CNTN1: variants seen among roughly 807,000 people sequenced by gnomAD.
CNTN1 encodes the protein contactin 1.
In CNTN1, 38 loss-of-function variants were observed where a neutral mutation model predicts 126.4. The observed-to-expected ratio is 0.30, with a 90% confidence interval of 0.23 to 0.39. The LOEUF is 0.39. CNTN1 is among the 10% of genes least tolerant of loss of function. CNTN1 has a pLI of 1.00. For synonymous variants in CNTN1, 413 were observed against 422.6 expected (o/e 0.98, Z 0.28); for missense variants, 1,009 against 1,248.4 (o/e 0.81, Z 2.89).
chr12:40,766,066 T>C lies in CNTN1; in HGVS notation c.-77+73474T>C, dbSNP rs117265255. Among the ~76,000 whole-genome samples the C allele has an allele frequency of 8.7e-4, 133 of 152,028 alleles. 2 individuals are homozygous for C. The East Asian group carries it at 0.025, about 28-fold the overall frequency. ...TTTTCTTGGCAAACATTAGAGGAAA[T>C]TGCATTCCAGGCTGGGCACGGTGGC... On this transcript the variant is annotated intron_variant, in intron 1 of 23. Transcript: ENST00000551295.
At chr12:41,032,410 G>C (rs374906328) in intron 23 of CNTN1, among the ~76,000 whole-genome samples, 112 of 151,682 alleles carry the variant, frequency 7.4e-4, no homozygotes, top group African/African-American at 2.5e-3. Flanking sequence ...AAAGAAAGAT[G>C]GCTCACAGGT....
intron 1 of CNTN1, among the ~76,000 whole-genome samples, chr12:40,880,389 G>A (rs193283095): frequency 5.3e-5 from 8 of 152,018 alleles, no homozygotes; most frequent in Admixed American, 6.6e-5. Context: ...ATGTAAATAC[G>A]TTTGCTGAGT....
At chr12:40,807,112 C>T (rs1940889915) in intron 1 of CNTN1, among the ~76,000 whole-genome samples, 1 of 151,538 alleles carries the variant, frequency 6.6e-6, no homozygotes, top group Non-Finnish European at 1.5e-5. Context: ...TGGAGAGGAC[C>T]CTAAAGGATG....
intron 1 of CNTN1, among the ~76,000 whole-genome samples, chr12:40,743,416 C>T (rs972097141): frequency 1.3e-5 from 2 of 152,014 alleles, no homozygotes; most frequent in African/African-American, 4.8e-5. Flanking sequence ...GTTAAGGTTG[C>T]CAGCTCTGCC....
At chr12:40,947,277 G>A (rs1308387692) in intron 14 of CNTN1, among the ~76,000 whole-genome samples, 1 of 151,920 alleles carries the variant, frequency 6.6e-6, no homozygotes, top group Non-Finnish European at 1.5e-5. Context: ...CTCATGCATG[G>A]GGGATGTTAA....
intron 17 of CNTN1, among the ~76,000 whole-genome samples, chr12:41,004,832 G>GT (rs1254412985): frequency 9.2e-5 from 14 of 152,184 alleles, no homozygotes; most frequent in Admixed American, 9.2e-4. Flanking sequence ...GTCATTGCAT[G>GT]TGAGATGGAT....
At chr12:41,008,814 C>G (rs577686937) in intron 17 of CNTN1, among the ~76,000 whole-genome samples, 59 of 152,242 alleles carry the variant, frequency 3.9e-4, no homozygotes, top group African/African-American at 1.3e-3. Flanking sequence ...ATACAAGATC[C>G]CTTCTTATAT....
At chr12:40,726,581 T>C (rs1306157180) in intron 1 of CNTN1, among the ~76,000 whole-genome samples, 1 of 152,170 alleles carries the variant, frequency 6.6e-6, no homozygotes, top group African/African-American at 2.4e-5. Context: ...CATGATCCGA[T>C]TACCTCCACC....
chr12:40,906,641 T>A (rs1209549616), intron 1 of CNTN1, among the ~76,000 whole-genome samples: 1 of 151,840 alleles, frequency 6.6e-6, no homozygotes, highest in Non-Finnish European at 1.5e-5. Context: ...CTACAACATG[T>A]GTTTTCCTTT....
rs575598962 is a variant in CNTN1, at chr12:40,876,767, C to T, written c.-76-31590C>T. ...TCTGCAACCAGAAATTTCTCTGCTT[C>T]CTTGAGACAGAAACATAATTGTGTA... On this transcript the variant is annotated intron_variant, in intron 1 of 23. Transcript: ENST00000551295. Among the ~76,000 whole-genome samples, 3 of 152,174 alleles carry T rather than the reference C, an allele frequency of 2.0e-5. No individual in the cohort carries two copies. In the South Asian group the frequency reaches 6.2e-4, roughly 31 times the overall value.
At chr12:40,967,254 G>T (rs531188959) in intron 15 of CNTN1, among the ~76,000 whole-genome samples, 1 of 151,988 alleles carries the variant, frequency 6.6e-6, no homozygotes, top group African/African-American at 2.4e-5. Context: ...AGGCCAAGGC[G>T]GGTGGATCAG....
At chr12:41,033,882 C>T (rs1043699744) in intron 23 of CNTN1, among the ~76,000 whole-genome samples, 1 of 103,224 alleles carries the variant, frequency 9.7e-6, no homozygotes, top group East Asian at 3.0e-4. Context: ...ACTAAAAATA[C>T]AAAAAAAAAA....
At chr12:41,010,571 G>T (rs1948621887) in intron 17 of CNTN1, among the ~76,000 whole-genome samples, 1 of 152,130 alleles carries the variant, frequency 6.6e-6, no homozygotes, top group Non-Finnish European at 1.5e-5. Context: ...GCTATCTGGT[G>T]CTATAGCCTC....
At chr12:40,886,066 C>A (rs1349901300) in intron 1 of CNTN1, among the ~76,000 whole-genome samples, 2 of 152,004 alleles carry the variant, frequency 1.3e-5, no homozygotes, top group Non-Finnish European at 2.9e-5. Flanking sequence ...CTTTGCTGAA[C>A]TCTTAATGTT....
Position 40,878,842 on chromosome 12 carries a change from G to GA in CNTN1, c.-76-29509dup, listed in dbSNP as rs1384003872. Among the ~76,000 whole-genome samples the GA allele has an allele frequency of 2.6e-5, 4 of 152,182 alleles. No homozygotes were observed. The East Asian group carries it at 7.7e-4, about 29-fold the overall frequency. On this transcript the variant is annotated intron_variant, in intron 1 of 23. Coordinates refer to ENST00000551295, the MANE Select transcript of CNTN1 (RefSeq NM_001843.4). ...AATCAAAGTAAGAAACCTAAGATAT[G>GA]AAAAAACACTTATTTCCAAAGGAAG...
intron 1 of CNTN1, among the ~76,000 whole-genome samples, chr12:40,865,542 A>G (rs1049054170): frequency 6.6e-6 from 1 of 152,004 alleles, no homozygotes; most frequent in African/African-American, 2.4e-5. Flanking sequence ...TAGGGGTCCA[A>G]ACTTATTTTT....
intron 1 of CNTN1, among the ~76,000 whole-genome samples, chr12:40,787,043 C>A (rs748324908): frequency 2.0e-4 from 30 of 151,944 alleles, no homozygotes; most frequent in Non-Finnish European, 3.5e-4. Flanking sequence ...TCGTTATAGG[C>A]CAAGATTTAC....
chr12:41,020,628 A>T (rs912149930), intron 20 of CNTN1, among the ~76,000 whole-genome samples, 188 bp downstream of exon 20: 1 of 152,198 alleles, frequency 6.6e-6, no homozygotes, highest in Non-Finnish European at 1.5e-5. Flanking sequence ...TAACTGGCCT[A>T]TCTAGGGGAG....
chr12:40,873,298 G>T (rs1943568041), intron 1 of CNTN1, among the ~76,000 whole-genome samples: 2 of 152,060 alleles, frequency 1.3e-5, no homozygotes, highest in Admixed American at 6.6e-5. Context: ...TTAGCAATTT[G>T]ATTTCCTGTC....
Sources: gnomAD v4.1 joint callset for allele counts (sites outside exome capture counted in the v4.1 genomes callset) on GRCh38, gnomAD v4.1.1 for gene constraint, MANE v1.5 for transcripts, NCBI Gene and HGNC (gene_info 2026-07-23, HGNC 2026-07-21) for gene names.